TEX26: variants seen among roughly 807,000 people sequenced by gnomAD.
TEX26 encodes the protein testis-expressed protein 26.
Under a neutral mutation model 35.3 loss-of-function variants are expected in TEX26, and 34 were observed. That is an observed-to-expected ratio of 0.96 (90% CI 0.73 to 1.28). The LOEUF is 1.28. TEX26 is among the 50% of genes most tolerant of loss of function. The pLI, the probability that TEX26 is intolerant of heterozygous loss-of-function variation, is 0.00. For synonymous variants in TEX26, 136 were observed against 111.8 expected, an observed-to-expected ratio of 1.22 and a Z score of -1.36; for missense variants, 371 against 330.1, an observed-to-expected ratio of 1.12 and a Z score of -0.96.
chr13:30,946,720 TG>T (rs1008955638), intron 2 of TEX26, among the ~76,000 whole-genome samples: 4 of 152,062 alleles, frequency 2.6e-5, no homozygotes, highest in Non-Finnish European at 5.9e-5. Flanking sequence ...ATAAGTTCCT[TG>T]GTTATAGAGA....
intron 2 of TEX26, among the ~76,000 whole-genome samples, chr13:30,951,452 GT>G (rs1354195460): frequency 6.6e-6 from 1 of 151,698 alleles, no homozygotes; most frequent in Non-Finnish European, 1.5e-5. Context: ...CCAGATGGAT[GT>G]TTTTTTCTAA....
chr13:30,974,598 T>C (rs1308236948), intron 6 of TEX26, among the ~76,000 whole-genome samples: 7 of 152,222 alleles, frequency 4.6e-5, no homozygotes, highest in African/African-American at 1.7e-4. Flanking sequence ...CCTGTTTCAT[T>C]CTGAAATTCG....
intron 2 of TEX26, among the ~76,000 whole-genome samples, chr13:30,950,479 G>C (rs1026448185): frequency 1.2e-4 from 18 of 152,204 alleles, no homozygotes; most frequent in Admixed American, 4.6e-4. Flanking sequence ...TCCAGCTAAT[G>C]GTATGTCCCA....
At chr13:30,972,695 C>A (rs570576259) in intron 6 of TEX26, among the ~76,000 whole-genome samples, 8 of 152,166 alleles carry the variant, frequency 5.3e-5, no homozygotes, top group Admixed American at 1.3e-4. Context: ...AGCGCAGTGG[C>A]GTGATATTGG....
chr13:30,969,235 G>T (rs576165418), intron 6 of TEX26, among the ~76,000 whole-genome samples, 189 bp downstream of exon 6: 12 of 151,370 alleles, frequency 7.9e-5, no homozygotes, highest in African/African-American at 2.9e-4. Context: ...CTTTAAGGAG[G>T]CCCAGTGACT....
At chr13:30,963,432 A>G (rs145732216) in intron 4 of TEX26, among the ~76,000 whole-genome samples, 94 of 152,314 alleles carry the variant, frequency 6.2e-4, no homozygotes, top group African/African-American at 2.1e-3. Flanking sequence ...CTTCCAAATA[A>G]CGCATGAAGC....
intron 2 of TEX26, among the ~76,000 whole-genome samples, chr13:30,952,313 T>A (rs1456370833): frequency 6.6e-6 from 1 of 152,106 alleles, no homozygotes; most frequent in Non-Finnish European, 1.5e-5. Flanking sequence ...CTTTATCAAA[T>A]GGGAGATTTC....
intron 6 of TEX26, among the ~76,000 whole-genome samples, chr13:30,971,384 T>C (rs1954706210): frequency 6.6e-6 from 1 of 152,164 alleles, no homozygotes; most frequent in Admixed American, 6.5e-5. Flanking sequence ...GGTTGTAGTC[T>C]CTGATGGAAT....
At chr13:30,951,605 A>G (rs192643524) in intron 2 of TEX26, among the ~76,000 whole-genome samples, 104 of 152,162 alleles carry the variant, frequency 6.8e-4, no homozygotes, top group Non-Finnish European at 2.1e-4. Flanking sequence ...AGCAATCATC[A>G]CTCGTTAGAT....
intron 2 of TEX26, among the ~76,000 whole-genome samples, chr13:30,944,127 A>G (rs1422615049): frequency 6.6e-6 from 1 of 151,812 alleles, no homozygotes; most frequent in African/African-American, 2.4e-5. Context: ...TACTGACTCA[A>G]TCTTACTGCG....
chr13:30,962,823 GTTTTTGT>G (rs1057359186), intron 4 of TEX26, among the ~76,000 whole-genome samples: 1 of 111,924 alleles, frequency 8.9e-6, no homozygotes. Flanking sequence ...TTTTGTTTTT[GTTTTTGT>G]TTTTTTTTTT....
intron 2 of TEX26, among the ~76,000 whole-genome samples, chr13:30,949,022 G>C (rs972674647): frequency 1.3e-5 from 2 of 152,008 alleles, no homozygotes; most frequent in Non-Finnish European, 2.9e-5. Flanking sequence ...GCTTGTTTTT[G>C]TCAGGTTTGT....
chr13:30,963,506 A>G (rs181897014), intron 4 of TEX26, among the ~76,000 whole-genome samples: 5 of 152,354 alleles, frequency 3.3e-5, no homozygotes, highest in Admixed American at 1.3e-4. Context: ...AGCCCATGCT[A>G]TGGAATGAAC....
At chr13:30,955,864 G>A (rs1363485052) in intron 3 of TEX26, among the ~76,000 whole-genome samples, 1 of 152,110 alleles carries the variant, frequency 6.6e-6, no homozygotes, top group Non-Finnish European at 1.5e-5. Flanking sequence ...GTGCAGGTGC[G>A]GTGGCTGGGA....
chr13:30,971,121 A>C (rs1290196451), intron 6 of TEX26, among the ~76,000 whole-genome samples: 6 of 152,178 alleles, frequency 3.9e-5, no homozygotes, highest in Non-Finnish European at 5.9e-5. Context: ...TCTGCTGTAG[A>C]ATGGCCCACT....
chr13:30,946,113 C>T (rs1953698966), intron 2 of TEX26, among the ~76,000 whole-genome samples: 1 of 151,900 alleles, frequency 6.6e-6, no homozygotes, highest in Non-Finnish European at 1.5e-5. Flanking sequence ...GGCCATTCTA[C>T]ATAATCCCAT....
At chr13:30,945,318 T>C (rs1431337796) in intron 2 of TEX26, among the ~76,000 whole-genome samples, 1 of 151,812 alleles carries the variant, frequency 6.6e-6, no homozygotes, top group East Asian at 1.9e-4. Flanking sequence ...CCACCCTTTT[T>C]CCTTGGGTTT....
chr13:30,939,645 C>CA (rs1017366483), intron 1 of TEX26, 49 bp from the exon 2 acceptor site: 1 of 1,451,282 alleles, frequency 6.9e-7, no homozygotes, highest in African/African-American at 1.4e-5. Context: ...AACATTTCTT[C>CA]AAAATATTCT....
Position 30,947,141 on chromosome 13 carries a change from A to C in TEX26, c.147-5519A>C, listed in dbSNP as rs544600430. On this transcript the variant is annotated intron_variant, in intron 2 of 6. Coordinates refer to ENST00000380473, the MANE Select transcript of TEX26 (RefSeq NM_152325.3). Reference sequence around the variant, plus strand: ...GTTATCACAATTATTTTAGTACACAATCGCTCAAAGCAATAAATACATTAT... The same window carrying C: ...GTTATCACAATTATTTTAGTACACACTCGCTCAAAGCAATAAATACATTAT... Among the ~76,000 whole-genome samples, 7 of 152,300 alleles carry C rather than the reference A, an allele frequency of 4.6e-5. 1 individual carries two copies. The South Asian group carries it at 1.2e-3, about 27-fold the overall frequency.
Sources: allele counts gnomAD v4.1 joint callset (sites outside exome capture counted in the v4.1 genomes callset), GRCh38; gene constraint gnomAD v4.1.1; transcripts MANE v1.5; gene names NCBI Gene and HGNC (gene_info 2026-07-23, HGNC 2026-07-21).